RNF34: variants seen among roughly 807,000 people sequenced by gnomAD.
RNF34 encodes E3 ubiquitin-protein ligase RNF34.
A neutral mutation model predicts 37.9 loss-of-function variants in RNF34; 12 were observed. The observed-to-expected ratio is 0.32, with a 90% CI of 0.20 to 0.51. RNF34 has a LOEUF of 0.51. RNF34 is among the 20% of genes least tolerant of loss of function. The probability of loss-of-function intolerance (pLI) is 0.97; values close to 1 mark genes in which losing one functional copy is unlikely to be tolerated. For missense variants in RNF34, 362 were observed against 472.7 expected (o/e 0.77, Z 2.17); for synonymous variants, 155 against 177.2 (o/e 0.87, Z 1.00).
chr12:121,416,147 G>T lies in RNF34; in HGVS notation c.7-12G>T. 6.2e-7 allele frequency: 1 copy of T among 1,611,230 alleles called. No individual in the cohort carries two copies. Among genetic ancestry groups the T allele is most frequent in the Non-Finnish European group, 8.5e-7 (1 of 1,177,724 alleles). ...CTTAGCTTTAAACTGTGGGATTTGT[G>T]TTCCTTTTTAGGCGGGTGCCACGTC... On this transcript the variant is annotated splice_polypyrimidine_tract_variant and intron_variant, in intron 1 of 5. Transcript: ENST00000361234.
chr12:121,422,606 C>T (rs1555283585), intron 5 of RNF34, among the ~76,000 whole-genome samples: 1 of 152,228 alleles, frequency 6.6e-6, no homozygotes, highest in Admixed American at 6.5e-5. Flanking sequence ...GACTACTGAC[C>T]TTTCAAGCTT....
At chr12:121,411,815 A>G (rs1555281394) in intron 1 of RNF34, among the ~76,000 whole-genome samples, 1 of 152,216 alleles carries the variant, frequency 6.6e-6, no homozygotes, top group African/African-American at 2.4e-5. Context: ...AAGGGGGATA[A>G]AAGCTAAGAG....
chr12:121,405,887 AGGTT>A (rs1870483857), intron 1 of RNF34, among the ~76,000 whole-genome samples: 1 of 150,508 alleles, frequency 6.6e-6, no homozygotes, highest in South Asian at 2.1e-4. Flanking sequence ...TCTGCCTCCC[AGGTT>A]CACGCCATTC....
rs1036442822 is a variant in RNF34 at position 121,417,208 on chromosome 12, C to T, written c.226-296C>T. Among the ~76,000 whole-genome samples, 1 of 152,176 alleles carries T rather than the reference C, an allele frequency of 6.6e-6. No individual in the cohort carries two copies. Among genetic ancestry groups the T allele is most frequent in the Non-Finnish European group, 1.5e-5 (1 of 68,022 alleles). On this transcript the variant is annotated intron_variant, in intron 2 of 5. Coordinates refer to ENST00000361234, the MANE Select transcript of RNF34 (RefSeq NM_025126.4). The surrounding 1 kb of genome is among the most constrained non-coding windows in gnomAD (Gnocchi z 5.0). ...TGCTTTCTGCTCTGTGTGGTTCAAG[C>T]TCTGTTTTGTTAATTACATGTTTAT...
intron 3 of RNF34, chr12:121,418,869 G>A (rs544843564): frequency 1.3e-5 from 2 of 152,254 alleles, no homozygotes; most frequent in South Asian, 2.1e-4. Flanking sequence ...TTACACCCCA[G>A]TTAATTTTTG....
intron 5 of RNF34, among the ~76,000 whole-genome samples, chr12:121,422,942 T>C (rs1285159863): frequency 6.6e-6 from 1 of 152,166 alleles, no homozygotes; most frequent in Non-Finnish European, 1.5e-5. Context: ...CTTTTCCTAC[T>C]GAGATGAGGC....
intron 1 of RNF34, among the ~76,000 whole-genome samples, chr12:121,414,654 TAAAA>T: frequency 6.6e-6 from 1 of 152,144 alleles, no homozygotes; most frequent in Non-Finnish European, 1.5e-5. Flanking sequence ...AAAGGTAAAA[TAAAA>T]AAATACTTTC....
intron 2 of RNF34, 189 bp downstream of exon 2, chr12:121,416,566 T>C (rs1450046326): frequency 1.9e-6 from 1 of 537,060 alleles, no homozygotes; most frequent in African/African-American, 1.9e-5. Context: ...TTTATAGACA[T>C]TGTTTCTCAT....
intron 3 of RNF34, chr12:121,420,017 TAC>T: frequency 4.4e-6 from 2 of 453,200 alleles, no homozygotes; most frequent in Non-Finnish European, 4.1e-6. Context: ...TTTATAACTT[TAC>T]ACACACACAG....
chr12:121,421,093 A>C (rs1555283278), intron 5 of RNF34, among the ~76,000 whole-genome samples: 1 of 152,074 alleles, frequency 6.6e-6, no homozygotes, highest in African/African-American at 2.4e-5. Context: ...TTATTTTCTC[A>C]CTAATGCCTT....
At chr12:121,418,023 A>G (rs112104048) in intron 3 of RNF34, 112 bp downstream of exon 3, 1 of 1,159,102 alleles carries the variant, frequency 8.6e-7, no homozygotes. Flanking sequence ...CATGTGCTGG[A>G]GTGAAGCTTC....
chr12:121,420,859 T>G (rs1043324320), intron 5 of RNF34, 81 bp downstream of exon 5: 33 of 1,032,158 alleles, frequency 3.2e-5, no homozygotes, highest in Non-Finnish European at 4.5e-5. Flanking sequence ...CACAATTAAG[T>G]CAAATTTATT....
chr12:121,403,888 G>A (rs1231775721), intron 1 of RNF34, among the ~76,000 whole-genome samples: 1 of 150,762 alleles, frequency 6.6e-6, no homozygotes, highest in African/African-American at 2.4e-5. Context: ...GTGAATGACT[G>A]TGTAGTAACA....
At chr12:121,422,843 A>G (rs2137205634) in intron 5 of RNF34, among the ~76,000 whole-genome samples, 1 of 152,352 alleles carries the variant, frequency 6.6e-6, no homozygotes, top group South Asian at 2.1e-4. Context: ...CAGCAGGGCC[A>G]GGAACACAGA....
At position 121,420,292 on chromosome 12, in the gene RNF34, T is replaced by TGATGAG. The variant is rs1872007924; in HGVS notation, c.690_695dup (p.Glu230_Asp231dup). 3 of 1,588,008 alleles carry TGATGAG rather than the reference T, an allele frequency of 1.9e-6. No homozygotes were observed. Among genetic ancestry groups the TGATGAG allele is most frequent in the South Asian group, 2.3e-5 (2 of 88,046 alleles). On this transcript the variant is annotated inframe_insertion, in exon 4 of 6. Transcript: ENST00000361234. ...ACACAGAAGATGATGATGACGACGA[T>TGATGAG]GATGAGGATGATGATGATGAAGAAG...
rs1872405017 is a variant in RNF34, at chr12:121,424,340, T to C, written c.*764T>C. The C allele has an allele frequency of 6.6e-6, 1 of 152,656 alleles. No homozygotes were observed. Among genetic ancestry groups the C allele is most frequent in the Admixed American group, 6.5e-5 (1 of 15,288 alleles). 9.5% of individuals were successfully genotyped at this position (152,656 alleles called of 1,614,324 possible). On this transcript the variant is annotated 3_prime_UTR_variant, in exon 6 of 6. Transcript: ENST00000361234. ...TTTTAACTTTAGGAATAAAATTAGT[T>C]TTAAAAGCTTTTGTTTACATTGTCT...
At chr12:121,413,711 G>A (rs1432588972) in intron 1 of RNF34, among the ~76,000 whole-genome samples, 1 of 151,658 alleles carries the variant, frequency 6.6e-6, no homozygotes, top group Non-Finnish European at 1.5e-5. Context: ...CCGAGTAGCT[G>A]GGACTACAGG....
At chr12:121,414,902 A>G (rs1403604912) in intron 1 of RNF34, among the ~76,000 whole-genome samples, 2 of 152,146 alleles carry the variant, frequency 1.3e-5, no homozygotes, top group Non-Finnish European at 2.9e-5. Context: ...GAGACCAGCC[A>G]TGGTCAACAT....
At position 121,417,749 on chromosome 12, in the gene RNF34, C is replaced by T. The variant is rs1449866407; in HGVS notation, c.471C>T (p.Asp157=). ...GCCATCATGGACTAGGCTCTGAGGA[C>T]GACATGGACACAAGCAGTCTGAATT... The part of the protein sequence containing the change: ...VLCHHGLGSE[D]DMDTSSLNSS... Residue 157 remains aspartate (D), a synonymous_variant, in exon 3 of 6, where the codon GAC becomes GAT. Transcript: ENST00000361234. This position sits in a 1 kb window ranked among gnomAD's most constrained non-coding sequence, Gnocchi z 5.0. The T allele has an allele frequency of 3.8e-5, 61 of 1,613,966 alleles. No individual in the cohort carries two copies. In the East Asian group the frequency reaches 8.9e-4, roughly 24 times the overall value.
Sources: allele counts gnomAD v4.1 joint callset (sites outside exome capture counted in the v4.1 genomes callset), GRCh38; gene constraint gnomAD v4.1.1; non-coding constraint Gnocchi (gnomAD v3.1); transcripts MANE v1.5; gene names NCBI Gene and HGNC (gene_info 2026-07-23, HGNC 2026-07-21).